Variants in SZT2 observed in about 807,000 individuals in gnomAD.
SZT2 encodes the protein SZT2 subunit of KICSTOR complex.
In SZT2, 216 loss-of-function variants were observed where a neutral mutation model predicts 404.2. The observed-to-expected ratio is 0.53, with a 90% CI of 0.48 to 0.60. SZT2 has a LOEUF of 0.60. Ranked by LOEUF, SZT2 falls within the 20% of genes least tolerant of loss-of-function variation. The probability of loss-of-function intolerance (pLI) is 0.00; values close to 1 mark genes in which losing one functional copy is unlikely to be tolerated. For missense variants in SZT2, 3,857 were observed against 4,459.2 expected (o/e 0.86, Z 3.85); for synonymous variants, 1,693 against 1,749.9 (o/e 0.97, Z 0.81).
chr1:43,404,596 A>G lies in SZT2; in HGVS notation c.498+46A>G, dbSNP rs746219999. On this transcript the variant is annotated intron_variant, in intron 4 of 71. Coordinates refer to ENST00000634258, the MANE Select transcript of SZT2 (RefSeq NM_001365999.1). ...GTTTGTACCCTCAGACCAAATTTCTATTAGTCCTCTGACCAAGTCCTTATC... is the reference window on the plus strand; with the variant it reads ...GTTTGTACCCTCAGACCAAATTTCTGTTAGTCCTCTGACCAAGTCCTTATC... 7.6e-6 allele frequency: 12 copies of G among 1,582,300 alleles called. No homozygotes were observed. The East Asian group carries it at 9.0e-5, about 12-fold the overall frequency.
chr1:43,411,455 C>T (rs955463342), intron 4 of SZT2, among the ~76,000 whole-genome samples: 4 of 152,232 alleles, frequency 2.6e-5, no homozygotes, highest in Admixed American at 2.0e-4. Flanking sequence ...GCTCAGGGAA[C>T]ACATGCAGAA....
chr1:43,452,459 C>G lies in SZT2; in HGVS notation c.*1979C>G. The G allele has an allele frequency of 1.4e-6, 1 of 733,056 alleles. No homozygotes were observed. Among genetic ancestry groups the G allele is most frequent in the South Asian group, 1.5e-5 (1 of 67,078 alleles). 45.4% of individuals were successfully genotyped at this position (733,056 alleles called of 1,614,324 possible). A position where few individuals can be genotyped will look rare whatever the true frequency, so the allele number is the denominator to read the frequency against. On this transcript the variant is annotated 3_prime_UTR_variant, in exon 72 of 72. Coordinates refer to ENST00000634258, the MANE Select transcript of SZT2 (RefSeq NM_001365999.1). The stretch of plus-strand genomic sequence containing the variant: ...CCTGGGTCACGATGCCCAGGTATCC[C>G]AGCACTTTCAGAGACACTTCAGTGA...
chr1:43,453,837 C>G lies in SZT2; in HGVS notation c.*3357C>G, dbSNP rs970590652. 3 of 1,156,646 alleles carry G rather than the reference C, an allele frequency of 2.6e-6. No homozygotes were observed. In the South Asian group the frequency reaches 1.2e-4, roughly 46 times the overall value. The allele number at this position is 1,156,646 out of a possible 1,614,324, so 71.6% of individuals were successfully genotyped here. On this transcript the variant is annotated 3_prime_UTR_variant, in exon 72 of 72. Transcript: ENST00000634258. The stretch of plus-strand genomic sequence containing the variant: ...GGGCGGAGTCCGCGGGATCCAAAGG[C>G]GGCGGGCGGCGGGCGGCGGGCGGCG...
chr1:43,422,642 G>T lies in SZT2; in HGVS notation c.1922+10G>T, dbSNP rs771115768. 1 of 1,571,260 alleles carries T rather than the reference G, an allele frequency of 6.4e-7. No individual in the cohort carries two copies. Among genetic ancestry groups the T allele is most frequent in the Middle Eastern group, 2.0e-4 (1 of 4,882 alleles). On this transcript the variant is annotated intron_variant, in intron 13 of 71. Coordinates refer to ENST00000634258, the MANE Select transcript of SZT2 (RefSeq NM_001365999.1). ...TTAAGCTGCTCTCCAGGTGGGCAAA[G>T]TGATGTCCCTTCACCCCCCGCCCCC...
chr1:43,446,517 G>A (rs925723383), intron 65 of SZT2, 101 bp downstream of exon 65: 21 of 1,438,696 alleles, frequency 1.5e-5, no homozygotes, highest in Admixed American at 3.5e-5. Context: ...TGCAGTAGGC[G>A]GGCTGGCCCA....
At chr1:43,423,920 A>G (rs2153932837) in intron 15 of SZT2, among the ~76,000 whole-genome samples, 1 of 147,144 alleles carries the variant, frequency 6.8e-6, no homozygotes, top group African/African-American at 2.6e-5. Context: ...GGTGTGGCTT[A>G]GCAGGGTATC....
Position 43,426,149 on chromosome 1 carries a change from G to A in SZT2, c.3041G>A (p.Arg1014Lys). Residue 1014 changes from arginine (R) to lysine (K), a missense_variant and splice_region_variant, in exon 21 of 72, where the codon AGA becomes AAA. Arg to Lys is a conservative substitution (Grantham distance 26, BLOSUM62 2). This residue lies in a region of SZT2 where 1,725 missense variants were observed against 1,881.0 expected (regional missense o/e 0.92). Coordinates refer to ENST00000634258, the MANE Select transcript of SZT2 (RefSeq NM_001365999.1). This position sits in a 1 kb window ranked among gnomAD's most constrained non-coding sequence, Gnocchi z 4.9. ...CAGATGTTCTTCCTCTTGCTTGCCA[G>A]AGGTAGGTGAACCTGGTACCCTTTC... is the stretch of plus-strand genomic sequence containing the variant. ...QLQMFFLLLAREPEGVPFAEG... is the reference protein window; with the variant it reads ...QLQMFFLLLAKEPEGVPFAEG... The A allele has an allele frequency of 6.2e-7, 1 of 1,614,090 alleles. No individual in the cohort carries two copies. The highest frequency in any genetic ancestry group is 8.5e-7 in the Non-Finnish European group (1 of 1,179,978).
Position 43,442,549 on chromosome 1 carries a change from C to T in SZT2, c.8082C>T (p.Cys2694=), listed in dbSNP as rs772321053. The change falls in exon 58 of 72, where the codon TGC becomes TGT. Residue 2694 remains cysteine, a synonymous_variant. Coordinates refer to ENST00000634258, the MANE Select transcript of SZT2 (RefSeq NM_001365999.1). This position sits in a 1 kb window ranked among gnomAD's most constrained non-coding sequence, Gnocchi z 4.5. The part of the protein sequence containing the change: ...WQNARAHLIF[C]LLSQKLGLFH... ...ATGCACGAGCCCATCTCATCTTCTG[C>T]CTACTCAGCCAGAAGCTTGGCCTCT... is the stretch of plus-strand genomic sequence containing the variant. 1.2e-6 allele frequency: 2 copies of T among 1,613,964 alleles called. No homozygotes were observed. The highest frequency in any genetic ancestry group is 1.7e-6 in the Non-Finnish European group (2 of 1,179,930).
chr1:43,426,732 C>G lies in SZT2; in HGVS notation c.3232C>G (p.Leu1078Val). ...CATTGTAGGTGCCGAGGGGCCACTG[C>G]TGGGGGTTCATGGGATCCCGAAGGA... ...CHVPGAEGPL[L>V]GVHGIPKEQA... Residue 1078 changes from leucine (L) to valine (V), a missense_variant, in exon 23 of 72, where the codon CTG (leucine) becomes GTG (valine). By Grantham distance (32) the Leu-to-Val change is conservative (BLOSUM62 1). Around this residue, in one of 7 missense-constraint regions of SZT2, gnomAD observed 1,725 missense variants for 1,881.0 expected, o/e 0.92. Coordinates refer to ENST00000634258, the MANE Select transcript of SZT2 (RefSeq NM_001365999.1). The surrounding 1 kb of genome is among the most constrained non-coding windows in gnomAD (Gnocchi z 4.9). 6.2e-7 allele frequency: 1 copy of G among 1,612,628 alleles called. No homozygotes were observed. The highest frequency in any genetic ancestry group is 2.2e-5 in the East Asian group (1 of 44,830).
At position 43,440,595 on chromosome 1, in the gene SZT2, A is replaced by G. The variant is rs184417929; in HGVS notation, c.7344+9A>G. On this transcript the variant is annotated intron_variant, in intron 52 of 71. Transcript: ENST00000634258. ...GCTTCTGGGATATGCTGGTAATGGA[A>G]GAAGTGGTGAAGTGGGCATCTACCT... 480 of 1,577,098 alleles carry G rather than the reference A, an allele frequency of 3.0e-4. 1 individual carries two copies. In the African/African-American group the frequency reaches 5.8e-3, roughly 19 times the overall value.
intron 66 of SZT2, 111 bp from the exon 67 acceptor site, chr1:43,447,434 C>T (rs1037242598): frequency 1.9e-5 from 27 of 1,433,316 alleles, no homozygotes; most frequent in Non-Finnish European, 2.4e-5. Flanking sequence ...GGAAAGCAGA[C>T]CCACTCTGCC....
intron 1 of SZT2, among the ~76,000 whole-genome samples, chr1:43,399,575 C>T (rs545480775): frequency 4.0e-5 from 6 of 151,062 alleles, no homozygotes; most frequent in Admixed American, 1.3e-4. Context: ...CATTCTCCTG[C>T]GTCAGCCTCC....
chr1:43,433,236 TTC>T (rs1397992203), intron 40 of SZT2, 46 bp downstream of exon 40: 2 of 1,587,312 alleles, frequency 1.3e-6, no homozygotes, highest in Non-Finnish European at 1.7e-6. Flanking sequence ...CATTAACCTC[TTC>T]TCTCTGCTCC....
chr1:43,453,212 GT>G lies in SZT2; in HGVS notation c.*2733del, dbSNP rs1235993954. On this transcript the variant is annotated 3_prime_UTR_variant, in exon 72 of 72. Transcript: ENST00000634258. ...TGAGCATGAAAGAGTGGCAAACAGA[GT>G]GGCATAAGACAGATAAAATACAAAA... 2 of 641,070 alleles carry G rather than the reference GT, an allele frequency of 3.1e-6. No homozygotes were observed. The highest frequency in any genetic ancestry group is 3.6e-5 in the African/African-American group (2 of 55,022). The allele number at this position is 641,070 out of a possible 1,614,324, so 39.7% of individuals were successfully genotyped here.
Position 43,453,844 on chromosome 1 carries a change from C to T in SZT2, c.*3364C>T, listed in dbSNP as rs1230643712. On this transcript the variant is annotated 3_prime_UTR_variant, in exon 72 of 72. Coordinates refer to ENST00000634258, the MANE Select transcript of SZT2 (RefSeq NM_001365999.1). ...GTCCGCGGGATCCAAAGGCGGCGGG[C>T]GGCGGGCGGCGGGCGGCGGGCGGGG... is the stretch of plus-strand genomic sequence containing the variant. 2.6e-6 allele frequency: 3 copies of T among 1,134,792 alleles called. No homozygotes were observed. Among genetic ancestry groups the T allele is most frequent in the Non-Finnish European group, 3.3e-6 (3 of 911,348 alleles). 70.3% of individuals were successfully genotyped at this position (1,134,792 alleles called of 1,614,324 possible).
In SZT2 at chr1:43,431,452, C is replaced by A; in HGVS notation, c.5025-8C>A. On this transcript the variant is annotated splice_region_variant and splice_polypyrimidine_tract_variant and intron_variant, in intron 34 of 71. Transcript: ENST00000634258. ...GGAAACCAATATCTAAACCTTTCTTCCAATTAGGCACCCAGGACTATCCAA... is the reference window on the plus strand; with the variant it reads ...GGAAACCAATATCTAAACCTTTCTTACAATTAGGCACCCAGGACTATCCAA... The A allele has an allele frequency of 1.9e-6, 3 of 1,614,166 alleles. No homozygotes were observed. The highest frequency in any genetic ancestry group is 8.5e-7 in the Non-Finnish European group (1 of 1,180,026).
In SZT2 at chr1:43,440,148, T is replaced by C. The variant is rs2782649; in HGVS notation, c.7210+100T>C. ...GCAAAGGTGGGGTTTAGGGGAAGCA[T>C]GTCAGAGAACTACTACATCAGAACC... On this transcript the variant is annotated intron_variant, in intron 51 of 71. Transcript: ENST00000634258. The C allele has an allele frequency of 0.38, 560,373 of 1,493,222 alleles. 112,813 individuals are homozygous for C. Among genetic ancestry groups the C allele is most frequent in the Non-Finnish European group, 0.42 (457,770 of 1,095,870 alleles). 92.5% of individuals were successfully genotyped at this position (1,493,222 alleles called of 1,614,324 possible). A position where few individuals can be genotyped will look rare whatever the true frequency, so the allele number is the denominator to read the frequency against.
intron 28 of SZT2, 44 bp from the exon 29 acceptor site, chr1:43,429,658 CT>C (rs1419145125): frequency 6.2e-7 from 1 of 1,612,260 alleles, no homozygotes; most frequent in South Asian, 1.1e-5. Flanking sequence ...TACTTCAGAG[CT>C]TGATGGTTCT....
At position 43,441,368 on chromosome 1, in the gene SZT2, C is replaced by A. The variant is rs780785276; in HGVS notation, c.7499C>A (p.Ala2500Asp). 2.5e-6 allele frequency: 4 copies of A among 1,613,900 alleles called. No homozygotes were observed. In the Admixed American group the frequency reaches 5.0e-5, roughly 20 times the overall value. Residue 2500 changes from alanine to aspartate, a missense_variant, in exon 53 of 72, where the codon GCC becomes GAC. Around this residue, in one of 7 missense-constraint regions of SZT2, gnomAD observed 573 missense variants for 592.4 expected, o/e 0.97. Transcript: ENST00000634258. This position sits in a 1 kb window ranked among gnomAD's most constrained non-coding sequence, Gnocchi z 4.8. ...CGGGCGCCAGGCTCAGATTCTGGAG[C>A]CCAGAGACAAAAGTATGTGTGTGGT... The part of the protein sequence containing the change: ...AERAPGSDSG[A>D]QRQKRRTTQL...
Sources: allele counts gnomAD v4.1 joint callset (sites outside exome capture counted in the v4.1 genomes callset), GRCh38; gene constraint gnomAD v4.1.1; regional missense constraint gnomAD v4.1.1; non-coding constraint Gnocchi (gnomAD v3.1); transcripts MANE v1.5; gene names NCBI Gene and HGNC (gene_info 2026-07-23, HGNC 2026-07-21).